The following DZANK1 variants were observed in gnomAD, a reference collection of about 807,000 sequenced individuals.
DZANK1 encodes the protein double zinc ribbon and ankyrin repeat domains 1, also known as double zinc ribbon and ankyrin repeat-containing protein 1.
DZANK1 carries 91 observed loss-of-function variants against 94.5 expected under a neutral mutation model. That is an observed-to-expected ratio of 0.96 (90% CI 0.81 to 1.15). The LOEUF (loss-of-function observed/expected upper bound fraction) is 1.15. Ranked by LOEUF, DZANK1 falls within the 50% of genes most tolerant of loss-of-function variation. DZANK1 has a pLI of 0.00. For synonymous variants in DZANK1, 312 were observed against 325.3 expected (o/e 0.96, Z 0.44); for missense variants, 903 against 916.4 (o/e 0.99, Z 0.19).
chr20:18,414,398 A>T lies in DZANK1; in HGVS notation c.1192T>A (p.Leu398Met), dbSNP rs1293006371. ...GCAGCTAGAGCCAGGCTTCTGTCCA[A>T]GCTAAGTTTCACTAGGGACTTCACA... The change falls in exon 12 of 21, where the codon TTG becomes ATG. Residue 398 changes from leucine to methionine, a missense_variant. By Grantham distance (15) the Leu-to-Met change is conservative (BLOSUM62 2). Transcript: ENST00000262547. 1.2e-6 allele frequency: 2 copies of T among 1,613,878 alleles called. No individual in the cohort carries two copies. Among genetic ancestry groups the T allele is most frequent in the African/African-American group, 2.7e-5 (2 of 74,920 alleles).
At chr20:18,384,665 C>G in intron 20 of DZANK1, 101 bp from the exon 21 acceptor site, 1 of 1,266,832 alleles carries the variant, frequency 7.9e-7, no homozygotes, top group Non-Finnish European at 1.1e-6. Flanking sequence ...TGGGCCCCTC[C>G]TGGTCCCACC....
At chr20:18,427,614 T>C (rs2058100019) in intron 9 of DZANK1, among the ~76,000 whole-genome samples, 1 of 151,678 alleles carries the variant, frequency 6.6e-6, no homozygotes. Context: ...TGGGTGTGTG[T>C]GTGTGTGTGT....
At chr20:18,422,358 T>C (rs1436269105) in intron 10 of DZANK1, among the ~76,000 whole-genome samples, 1 of 152,198 alleles carries the variant, frequency 6.6e-6, no homozygotes, top group East Asian at 1.9e-4. Flanking sequence ...GGTAGATGCA[T>C]GAATTTATTT....
intron 13 of DZANK1, among the ~76,000 whole-genome samples, chr20:18,408,481 T>A (rs2148396445): frequency 6.6e-6 from 1 of 152,202 alleles, no homozygotes; most frequent in South Asian, 2.1e-4. Flanking sequence ...CTCTAAAAGG[T>A]CAAGGATAAA....
chr20:18,437,788 TA>T (rs1188641668), intron 8 of DZANK1, among the ~76,000 whole-genome samples: 1 of 151,928 alleles, frequency 6.6e-6, no homozygotes, highest in East Asian at 1.9e-4. Context: ...CCACAAAAAT[TA>T]AAAATCAAAA....
chr20:18,445,669 G>A (rs935345077), intron 7 of DZANK1, among the ~76,000 whole-genome samples: 2 of 152,166 alleles, frequency 1.3e-5, no homozygotes, highest in African/African-American at 4.8e-5. Context: ...GGGAGACTAA[G>A]GTGGGAGGAT....
chr20:18,450,372 G>A (rs1243803288), intron 6 of DZANK1, among the ~76,000 whole-genome samples: 3 of 152,062 alleles, frequency 2.0e-5, no homozygotes, highest in Non-Finnish European at 2.9e-5. Flanking sequence ...GCAACATAGT[G>A]AATCCCCATC....
intron 20 of DZANK1, 58 bp from the exon 21 acceptor site, chr20:18,384,622 G>A (rs749607732): frequency 1.1e-4 from 161 of 1,499,082 alleles, no homozygotes; most frequent in Non-Finnish European, 1.3e-4. Context: ...GTGACCCTAA[G>A]AGCTTGACTC....
chr20:18,448,782 G>A (rs1233851841), intron 7 of DZANK1, among the ~76,000 whole-genome samples: 2 of 150,688 alleles, frequency 1.3e-5, no homozygotes, highest in African/African-American at 4.9e-5. Context: ...CAGGAGAATC[G>A]CTTGAACCCA....
chr20:18,417,719 C>T (rs758092324), intron 10 of DZANK1, among the ~76,000 whole-genome samples: 10 of 151,980 alleles, frequency 6.6e-5, no homozygotes, highest in Non-Finnish European at 1.3e-4. Context: ...AAAAAAACTA[C>T]AGATTTTTCC....
chr20:18,392,208 A>G (rs1214716912), intron 17 of DZANK1, among the ~76,000 whole-genome samples: 4 of 152,238 alleles, frequency 2.6e-5, no homozygotes, highest in Non-Finnish European at 5.9e-5. Context: ...TAAGCTGTTC[A>G]GTTTATGGAA....
chr20:18,424,739 T>C (rs1187876958), intron 10 of DZANK1, among the ~76,000 whole-genome samples: 1 of 152,174 alleles, frequency 6.6e-6, no homozygotes, highest in Non-Finnish European at 1.5e-5. Flanking sequence ...ATGAAAACTA[T>C]GCCCACACAG....
chr20:18,449,877 G>A (rs1234449239), intron 6 of DZANK1, among the ~76,000 whole-genome samples: 1 of 150,786 alleles, frequency 6.6e-6, no homozygotes, highest in Admixed American at 6.6e-5. Flanking sequence ...TCGGGAGTTC[G>A]AGACCAGCCT....
At chr20:18,398,349 G>A in intron 14 of DZANK1, 174 bp downstream of exon 14, 4 of 598,550 alleles carry the variant, frequency 6.7e-6, no homozygotes, top group East Asian at 2.8e-5. Context: ...CAATATTCAT[G>A]TGCAAGTGAT....
At chr20:18,430,965 AAT>A (rs1396006153) in intron 9 of DZANK1, among the ~76,000 whole-genome samples, 1 of 152,246 alleles carries the variant, frequency 6.6e-6, no homozygotes, top group African/African-American at 2.4e-5. Context: ...AATATACATA[AAT>A]ATGTTTCTGT....
chr20:18,411,059 T>C (rs988262636), intron 13 of DZANK1, among the ~76,000 whole-genome samples: 2 of 152,052 alleles, frequency 1.3e-5, no homozygotes, highest in Non-Finnish European at 1.5e-5. Context: ...TGAAGAAAGA[T>C]CTCAAAATCA....
At chr20:18,449,467 T>C (rs896376401) in intron 6 of DZANK1, among the ~76,000 whole-genome samples, 17 of 152,148 alleles carry the variant, frequency 1.1e-4, no homozygotes, top group African/African-American at 4.1e-4. Context: ...CATATATCTA[T>C]ATTTCATTAA....
intron 13 of DZANK1, among the ~76,000 whole-genome samples, chr20:18,405,174 G>C (rs746782867): frequency 4.6e-5 from 7 of 151,974 alleles, no homozygotes; most frequent in Non-Finnish European, 1.0e-4. Context: ...TCCAGCCTGG[G>C]TAACAGAGCA....
intron 19 of DZANK1, 48 bp downstream of exon 19, chr20:18,389,653 A>T: frequency 6.2e-7 from 1 of 1,608,072 alleles, no homozygotes; most frequent in Non-Finnish European, 8.5e-7. Flanking sequence ...AGCTCCAAGC[A>T]GTCAGCCTGC....
Sources: allele counts gnomAD v4.1 joint callset (sites outside exome capture counted in the v4.1 genomes callset), GRCh38; gene constraint gnomAD v4.1.1; transcripts MANE v1.5; gene names NCBI Gene and HGNC (gene_info 2026-07-23, HGNC 2026-07-21).